GABRR3: variants seen among roughly 807,000 people sequenced by gnomAD.
The protein encoded by GABRR3 is gamma-aminobutyric acid type A receptor subunit rho3, also known as gamma-aminobutyric acid receptor subunit rho-3.
In GABRR3, 29 loss-of-function variants were observed where a neutral mutation model predicts 43.2. The observed-to-expected ratio is 0.67, with a 90% CI of 0.50 to 0.92. The LOEUF (loss-of-function observed/expected upper bound fraction) is 0.92, where lower values mean the gene tolerates loss of function less well. Among genes scored for constraint, GABRR3 ranks in the 40% least tolerant of loss-of-function variants. The pLI is 0.00. For missense variants in GABRR3, 576 were observed against 572.3 expected (o/e 1.01, Z -0.07); for synonymous variants, 206 against 195.9 (o/e 1.05, Z -0.43).
chr3:98,017,248 T>A (rs1265665050), intron 4 of GABRR3, among the ~76,000 whole-genome samples: 1 of 152,222 alleles, frequency 6.6e-6, no homozygotes, highest in African/African-American at 2.4e-5. Flanking sequence ...TATCATTTGA[T>A]ATATTTGAAA....
intron 6 of GABRR3, 158 bp downstream of exon 6, chr3:98,008,798 C>CA (rs57502092): frequency 0.017 from 1,923 of 113,782 alleles, 32 homozygotes; most frequent in African/African-American, 0.058. Flanking sequence ...AAACAGAAAC[C>CA]AAAAAAAAAA....
At chr3:97,992,101 G>A (rs1576035160) in intron 9 of GABRR3, among the ~76,000 whole-genome samples, 1 of 152,070 alleles carries the variant, frequency 6.6e-6, no homozygotes, top group Non-Finnish European at 1.5e-5. Context: ...GTGAAATGAA[G>A]CAGGTAGAGA....
intron 4 of GABRR3, among the ~76,000 whole-genome samples, chr3:98,013,229 T>C (rs832024): frequency 0.79 from 119,944 of 152,118 alleles, 47,581 homozygotes; most frequent in East Asian, 0.99. Context: ...AAGCTAGTTC[T>C]CAGAGATTCT....
At chr3:98,009,137 G>A (rs1481157110) in intron 5 of GABRR3, 99 bp from the exon 6 acceptor site, 6 of 753,310 alleles carry the variant, frequency 8.0e-6, no homozygotes, top group East Asian at 2.9e-5. Context: ...CTGGTTCTGT[G>A]TGTCTTTCAA....
At chr3:98,012,598 C>A (rs1465586788) in intron 4 of GABRR3, 31 bp from the exon 5 acceptor site, 2 of 1,168,076 alleles carry the variant, frequency 1.7e-6, no homozygotes, top group South Asian at 1.3e-5. Context: ...ACCAAAAAAA[C>A]CAGTAGGAAT....
intron 3 of GABRR3, among the ~76,000 whole-genome samples, chr3:98,022,240 T>C (rs1706957645): frequency 6.6e-6 from 1 of 152,084 alleles, no homozygotes; most frequent in South Asian, 2.1e-4. Context: ...AAAACATAAA[T>C]AAAGAAAATG....
In GABRR3 at chr3:98,014,799, A is replaced by T. The variant is rs532931849; in HGVS notation, c.307-2232T>A. ...AGGATATAGATGAAAAGATTATTTG[A>T]TTTTAGTGATTGATATTTTCTAGGT... On this transcript the variant is annotated intron_variant, in intron 4 of 9. Transcript: ENST00000621172. Among the ~76,000 whole-genome samples the T allele has an allele frequency of 2.2e-3, 328 of 152,282 alleles. 1 individual carries two copies. Among genetic ancestry groups the T allele is most frequent in the Middle Eastern group, 0.01 (3 of 294 alleles).
chr3:98,016,672 T>C (rs1253369553), intron 4 of GABRR3, among the ~76,000 whole-genome samples: 7 of 152,104 alleles, frequency 4.6e-5, no homozygotes, highest in Admixed American at 3.3e-4. Context: ...AACCAAACTC[T>C]GAAACTACAT....
At chr3:98,022,908 C>A (rs1679012696) in intron 3 of GABRR3, among the ~76,000 whole-genome samples, 1 of 152,076 alleles carries the variant, frequency 6.6e-6, no homozygotes, top group African/African-American at 2.4e-5. Context: ...TCTAACAGAT[C>A]AAGCACAGTG....
intron 7 of GABRR3, among the ~76,000 whole-genome samples, chr3:98,004,898 A>T (rs1706704351): frequency 6.6e-6 from 1 of 152,052 alleles, no homozygotes; most frequent in African/African-American, 2.4e-5. Context: ...TCTGAAAAAG[A>T]CACTTGAGTT....
At chr3:98,000,778 A>C (rs1706628180) in intron 8 of GABRR3, 1 of 152,156 alleles carries the variant, frequency 6.6e-6, no homozygotes, top group Middle Eastern at 3.2e-3. Context: ...GAGCAAAATC[A>C]GATAAAATGA....
intron 8 of GABRR3, among the ~76,000 whole-genome samples, chr3:97,993,577 C>A (rs959627285): frequency 2.6e-5 from 4 of 152,074 alleles, no homozygotes; most frequent in Non-Finnish European, 5.9e-5. Context: ...ACTTAAAAAG[C>A]CATTGTTATT....
chr3:97,999,935 C>G (rs1706614891), intron 8 of GABRR3: 1 of 151,780 alleles, frequency 6.6e-6, no homozygotes, highest in Non-Finnish European at 1.5e-5. Context: ...GTAATTGGGA[C>G]AGATGAATAG....
At chr3:97,997,310 A>G (rs1706574243) in intron 8 of GABRR3, 2 of 152,224 alleles carry the variant, frequency 1.3e-5, no homozygotes, top group Admixed American at 1.3e-4. Context: ...TCCAGATTCC[A>G]TAATTCCAAA....
chr3:98,034,705 G>A, intron 2 of GABRR3, 158 bp downstream of exon 2: 1 of 377,518 alleles, frequency 2.6e-6, no homozygotes, highest in Non-Finnish European at 3.6e-6. Context: ...TCAAACAGAG[G>A]TGATTTATGA....
At chr3:97,986,287 A>G (rs1706386065), downstream of GABRR3, among the ~76,000 whole-genome samples, 1 of 152,166 alleles carries the variant, frequency 6.6e-6, no homozygotes, top group South Asian at 2.1e-4. Context: ...CTTGCCTAGG[A>G]CGGTTGAGCT....
At chr3:97,999,172 A>G (rs1192429128) in intron 8 of GABRR3, 1 of 152,190 alleles carries the variant, frequency 6.6e-6, no homozygotes, top group Non-Finnish European at 1.5e-5. Context: ...CACCAACAGT[A>G]TAATGTGAAT....
exon 4 of GABRR3, chr3:98,017,702 T>C (rs1260424691): frequency 3.7e-6 from 6 of 1,610,728 alleles, no homozygotes; most frequent in Non-Finnish European, 4.2e-6. Context: ...TGGACATCTA[T>C]ACCTACTGGC....
intron 3 of GABRR3, among the ~76,000 whole-genome samples, chr3:98,023,006 AGAG>A (rs1423552459): frequency 6.6e-6 from 1 of 152,076 alleles, no homozygotes; most frequent in African/African-American, 2.4e-5. Flanking sequence ...TTAAGATAAG[AGAG>A]GAGAGTTGGC....
Sources: allele counts gnomAD v4.1 joint callset (sites outside exome capture counted in the v4.1 genomes callset), GRCh38; gene constraint gnomAD v4.1.1; transcripts MANE v1.5; gene names NCBI Gene and HGNC (gene_info 2026-07-23, HGNC 2026-07-21).